Variants in ZNF385D observed in about 807,000 individuals in gnomAD.
The protein encoded by ZNF385D is zinc finger protein 659.
A neutral mutation model predicts 35.8 loss-of-function variants in ZNF385D; 15 were observed. The observed-to-expected ratio is 0.42, with a 90% confidence interval of 0.28 to 0.64. The LOEUF (loss-of-function observed/expected upper bound fraction) is 0.64, where lower values mean the gene tolerates loss of function less well. Among genes scored for constraint, ZNF385D ranks in the 30% least tolerant of loss-of-function variants. The pLI, the probability that ZNF385D is intolerant of heterozygous loss-of-function variation, is 0.23. For synonymous variants in ZNF385D, 212 were observed against 186.8 expected (o/e 1.13, Z -1.10); for missense variants, 474 against 494.6 (o/e 0.96, Z 0.39).
chr3:22,281,838 A>T (rs1315261524), intron 2 of ZNF385D, among the ~76,000 whole-genome samples: 1 of 151,944 alleles, frequency 6.6e-6, no homozygotes, highest in Non-Finnish European at 1.5e-5. Context: ...TGAATGTCTG[A>T]TAGAATTTAG....
At chr3:21,934,214 T>C (rs1323152472) in intron 3 of ZNF385D, among the ~76,000 whole-genome samples, 2 of 152,332 alleles carry the variant, frequency 1.3e-5, no homozygotes, top group Non-Finnish European at 2.9e-5. Context: ...AATTCAACTA[T>C]TGTTTGAAAC....
chr3:22,222,065 C>T (rs1698289902), intron 2 of ZNF385D, among the ~76,000 whole-genome samples: 1 of 152,034 alleles, frequency 6.6e-6, no homozygotes, highest in Non-Finnish European at 1.5e-5. Flanking sequence ...CAACCTCCAC[C>T]TCCCAAGTTC....
intron 2 of ZNF385D, among the ~76,000 whole-genome samples, chr3:22,229,865 A>G (rs1301852523): frequency 6.6e-6 from 1 of 152,132 alleles, no homozygotes; most frequent in East Asian, 1.9e-4. Context: ...CCATTGGTTT[A>G]GCCCCTCTCT....
At chr3:22,131,955 T>G (rs1703820743) in intron 3 of ZNF385D, among the ~76,000 whole-genome samples, 2 of 152,196 alleles carry the variant, frequency 1.3e-5, no homozygotes, top group South Asian at 4.1e-4. Flanking sequence ...AGTATGGAAG[T>G]CTGAACAAAC....
intron 3 of ZNF385D, among the ~76,000 whole-genome samples, chr3:21,775,225 C>CTT (rs1254827553): frequency 6.6e-6 from 1 of 151,842 alleles, no homozygotes; most frequent in Non-Finnish European, 1.5e-5. Context: ...TTCTGTGTCA[C>CTT]TTATGTTTCC....
intron 3 of ZNF385D, among the ~76,000 whole-genome samples, chr3:21,901,708 G>A (rs184373653): frequency 1.1e-3 from 167 of 152,264 alleles, no homozygotes; most frequent in African/African-American, 3.9e-3. Flanking sequence ...CAAAGCTTAC[G>A]TGTTCGACCA....
At chr3:22,198,826 T>C (rs1194891779) in intron 2 of ZNF385D, among the ~76,000 whole-genome samples, 1 of 152,100 alleles carries the variant, frequency 6.6e-6, no homozygotes, top group Non-Finnish European at 1.5e-5. Context: ...TTAAGTTAGA[T>C]TTCACCACTT....
rs147672144 is a variant in ZNF385D at position 21,955,676 on chromosome 3, C to T, written c.325+213141G>A. Among the ~76,000 whole-genome samples, 451 of 152,194 alleles carry T rather than the reference C, an allele frequency of 3.0e-3. 3 individuals carry two copies. The highest frequency in any genetic ancestry group is 0.011 in the African/African-American group (443 of 41,536). On this transcript the variant is annotated intron_variant, in intron 3 of 5. Coordinates refer to the ZNF385D transcript ENST00000494108. ...ACCCTGCTGCATAGATTCAGCCTGA[C>T]CATTTAATTAACCCACATGTTATAA... is the stretch of plus-strand genomic sequence containing the variant.
At chr3:21,542,333 T>C (rs1021291901) in intron 3 of ZNF385D, among the ~76,000 whole-genome samples, 1 of 120,992 alleles carries the variant, frequency 8.3e-6, no homozygotes, top group African/African-American at 3.2e-5. Context: ...TTCCTGGGTT[T>C]TTCTTCTCTT....
chr3:22,056,550 AAAAG>A (rs1228339907), intron 3 of ZNF385D, among the ~76,000 whole-genome samples: 3 of 152,164 alleles, frequency 2.0e-5, no homozygotes, highest in Admixed American at 6.6e-5. Context: ...AATTAAACAG[AAAAG>A]AAAGTTTAAA....
At chr3:21,727,249 G>A (rs1174886023) in intron 1 of ZNF385D, among the ~76,000 whole-genome samples, 1 of 152,108 alleles carries the variant, frequency 6.6e-6, no homozygotes, top group Non-Finnish European at 1.5e-5. Context: ...ATACCATTCA[G>A]GACATAGGCA....
intron 3 of ZNF385D, among the ~76,000 whole-genome samples, chr3:21,774,345 G>A (rs1033857164): frequency 6.6e-6 from 1 of 151,692 alleles, no homozygotes; most frequent in Non-Finnish European, 1.5e-5. Flanking sequence ...CTAGGTGATG[G>A]GATGATCTGT....
In ZNF385D at chr3:22,285,552, T is replaced by C. The variant is rs201302564; in HGVS notation, c.106+86898A>G. 2.0e-5 allele frequency among the ~76,000 whole-genome samples: 3 copies of C among 152,254 alleles called. No homozygotes were observed. In the East Asian group the frequency reaches 5.8e-4, roughly 29 times the overall value. ...TAACTTTATTTATTTTTTATTATACTTTAAGTTTTAGGGTACATGTGCACA... is the reference window on the plus strand; with the variant it reads ...TAACTTTATTTATTTTTTATTATACCTTAAGTTTTAGGGTACATGTGCACA... On this transcript the variant is annotated intron_variant, in intron 2 of 5. Coordinates refer to the ZNF385D transcript ENST00000494108.
chr3:21,788,947 G>A lies in ZNF385D; in HGVS notation c.326-123919C>T, dbSNP rs574458612. 3.3e-5 allele frequency among the ~76,000 whole-genome samples: 5 copies of A among 152,226 alleles called. No individual in the cohort carries two copies. The South Asian group carries it at 8.3e-4, about 25-fold the overall frequency. ...AGGGCAGGAGGTCAGAGAGCATGAG[G>A]ACAGAAGAACAAAAAAAGAATGGAG... is the stretch of plus-strand genomic sequence containing the variant. On this transcript the variant is annotated intron_variant, in intron 3 of 5. Coordinates refer to the ZNF385D transcript ENST00000494108.
chr3:21,861,986 G>A (rs1697078165), intron 3 of ZNF385D, among the ~76,000 whole-genome samples: 1 of 152,026 alleles, frequency 6.6e-6, no homozygotes, highest in Non-Finnish European at 1.5e-5. Flanking sequence ...TAAATCAAGT[G>A]AGCCCTAACA....
At chr3:21,770,991 A>G (rs942967110) in intron 3 of ZNF385D, among the ~76,000 whole-genome samples, 3 of 151,876 alleles carry the variant, frequency 2.0e-5, no homozygotes, top group South Asian at 2.1e-4. Flanking sequence ...TTGCAAGGAC[A>G]AAAAAGCCAA....
chr3:21,737,572 C>T (rs986630991), intron 1 of ZNF385D, among the ~76,000 whole-genome samples: 2 of 151,868 alleles, frequency 1.3e-5, no homozygotes, highest in Non-Finnish European at 2.9e-5. Context: ...TCAAATACAA[C>T]AAAATGCACC....
intron 3 of ZNF385D, among the ~76,000 whole-genome samples, chr3:21,527,170 T>C: frequency 6.6e-6 from 1 of 152,214 alleles, no homozygotes; most frequent in Non-Finnish European, 1.5e-5. Flanking sequence ...AGTAGGTACA[T>C]AGTAGGTGCT....
chr3:21,765,319 A>G (rs1350811568), intron 3 of ZNF385D, among the ~76,000 whole-genome samples: 2 of 152,074 alleles, frequency 1.3e-5, no homozygotes, highest in Non-Finnish European at 2.9e-5. Context: ...ATGGAAAAAT[A>G]TAGGTAACTT....
Sources: allele counts gnomAD v4.1 joint callset (sites outside exome capture counted in the v4.1 genomes callset), GRCh38; gene constraint gnomAD v4.1.1; transcripts MANE v1.5; gene names NCBI Gene and HGNC (gene_info 2026-07-23, HGNC 2026-07-21).